The following FAM161A variants were observed in gnomAD, a reference collection of about 807,000 sequenced individuals.
FAM161A encodes the protein FAM161 centrosomal protein A, also known as protein FAM161A.
Under a neutral mutation model 70.9 loss-of-function variants are expected in FAM161A, and 57 were observed. That is an observed-to-expected ratio of 0.80 (90% CI 0.65 to 1.00). The LOEUF (loss-of-function observed/expected upper bound fraction) is 1.00, where lower values mean the gene tolerates loss of function less well. Among genes scored for constraint, FAM161A ranks in the 50% least tolerant of loss-of-function variants. The pLI is 0.00. For missense variants in FAM161A, 880 were observed against 836.0 expected, an observed-to-expected ratio of 1.05 and a Z score of -0.65; for synonymous variants, 299 against 295.7, an observed-to-expected ratio of 1.01 and a Z score of -0.12.
chr2:61,838,486 A>T lies in FAM161A; in HGVS notation c.1751+52T>A, dbSNP rs1672855311. The T allele has an allele frequency of 2.7e-6, 4 of 1,482,814 alleles. No homozygotes were observed. The Admixed American group carries it at 7.7e-5, about 29-fold the overall frequency. 91.9% of individuals were successfully genotyped at this position (1,482,814 alleles called of 1,614,324 possible). A position where few individuals can be genotyped will look rare whatever the true frequency, so the allele number is the denominator to read the frequency against. On this transcript the variant is annotated intron_variant, in intron 4 of 6. Coordinates refer to ENST00000404929, the MANE Select transcript of FAM161A (RefSeq NM_001201543.2). ...TATTTTACTATCTACTGATTAAAAA[A>T]AAAAGAGTTTGAAAACCAGTGGTCT...
chr2:61,843,377 T>C (rs746614609), intron 1 of FAM161A, among the ~76,000 whole-genome samples: 31 of 152,312 alleles, frequency 2.0e-4, no homozygotes, highest in Non-Finnish European at 4.1e-4. Context: ...TCTACTCGCC[T>C]CGGCCTCTCA....
At position 61,839,940 on chromosome 2, in the gene FAM161A, A is replaced by G; in HGVS notation, c.1064T>C (p.Phe355Ser). 1 of 1,614,144 alleles carries G rather than the reference A, an allele frequency of 6.2e-7. No individual in the cohort carries two copies. Among genetic ancestry groups the G allele is most frequent in the Non-Finnish European group, 8.5e-7 (1 of 1,180,014 alleles). The change falls in exon 3 of 7, where the codon TTT becomes TCT. Residue 355 changes from phenylalanine to serine, a missense_variant. Transcript: ENST00000404929. ...FLKYKKKTNR[F>S]KARPIPRSTY... ...AGATCGAGGAATGGGTCTGGCTTTAAATCGATTTGTTTTCTTTTTATACTT... is the reference window on the plus strand; with the variant it reads ...AGATCGAGGAATGGGTCTGGCTTTAGATCGATTTGTTTTCTTTTTATACTT...
chr2:61,851,326 A>AT lies in FAM161A; in HGVS notation c.183+2532dup, dbSNP rs556158226. On this transcript the variant is annotated intron_variant, in intron 1 of 6. Coordinates refer to ENST00000404929, the MANE Select transcript of FAM161A (RefSeq NM_001201543.2). ...GTTGCCCCATTAGGAGTGAGATTTT[A>AT]TTTTTTCTTTTTATTTATTTATTTT... 2.6e-4 allele frequency among the ~76,000 whole-genome samples: 40 copies of AT among 151,642 alleles called. No individual in the cohort carries two copies. In the South Asian group the frequency reaches 8.1e-3, roughly 31 times the overall value.
rs1393233061 is a variant in FAM161A at position 61,825,679 on chromosome 2, C to T, written c.*776G>A. On this transcript the variant is annotated 3_prime_UTR_variant, in exon 7 of 7. Coordinates refer to ENST00000404929, the MANE Select transcript of FAM161A (RefSeq NM_001201543.2). ...TGGAGACGGAGTCTCGCTCTGTTGC[C>T]CAAGCTGGAGTGCAGTGGCGCGATC... The T allele has an allele frequency of 3.3e-5, 14 of 425,050 alleles. No homozygotes were observed. Among genetic ancestry groups the T allele is most frequent in the African/African-American group, 2.9e-4 (14 of 47,668 alleles). The allele number at this position is 425,050 out of a possible 1,614,324, so 26.3% of individuals were successfully genotyped here.
the FAM161A span, among the ~76,000 whole-genome samples, chr2:61,810,695 G>A: frequency 6.6e-6 from 1 of 151,708 alleles, no homozygotes; most frequent in Non-Finnish European, 1.5e-5. Flanking sequence ...CCCGACCTCA[G>A]GTGATCCACC....
downstream of FAM161A, chr2:61,820,330 G>A (rs1257330915): frequency 1.3e-6 from 1 of 744,536 alleles, no homozygotes; most frequent in Non-Finnish European, 2.5e-6. Context: ...AGGCTGTGTG[G>A]TCATGAGAGA....
At position 61,839,634 on chromosome 2, in the gene FAM161A, A is replaced by G. The variant is rs373894298; in HGVS notation, c.1370T>C (p.Phe457Ser). 2.5e-6 allele frequency: 4 copies of G among 1,614,212 alleles called. No individual in the cohort carries two copies. The highest frequency in any genetic ancestry group is 1.7e-6 in the Non-Finnish European group (2 of 1,180,046). The change falls in exon 3 of 7, where the codon TTT (phenylalanine) becomes TCT (serine). Residue 457 changes from phenylalanine to serine, a missense_variant. By Grantham distance (155) the Phe-to-Ser change is radical (BLOSUM62 -2). Coordinates refer to ENST00000404929, the MANE Select transcript of FAM161A (RefSeq NM_001201543.2). Reference protein sequence around the residue: ...SPKLLTVCKPFDLHASPHASI... With the variant: ...SPKLLTVCKPSDLHASPHASI... Reference sequence around the variant, plus strand: ...TGCATGTGGAGATGCATGAAGATCAAATGGTTTACACACTGTTAAGAGTTT... The same window carrying G: ...TGCATGTGGAGATGCATGAAGATCAGATGGTTTACACACTGTTAAGAGTTT...
At position 61,839,551 on chromosome 2, in the gene FAM161A, C is replaced by T. The variant is rs755420596; in HGVS notation, c.1453G>A (p.Glu485Lys). The change falls in exon 3 of 7, where the codon GAA (glutamate) becomes AAA (lysine). Residue 485 changes from glutamate to lysine, a missense_variant. Transcript: ENST00000404929. ...DIEADEENLK[E>K]TRWPYLSPRR... ...GGAGACAAATAAGGCCAACGTGTTTCTTTTAAATTTTCTTCATCTGCTTCG... is the reference window on the plus strand; with the variant it reads ...GGAGACAAATAAGGCCAACGTGTTTTTTTTAAATTTTCTTCATCTGCTTCG... 3.7e-6 allele frequency: 6 copies of T among 1,614,058 alleles called. No homozygotes were observed. In the South Asian group the frequency reaches 5.5e-5, roughly 15 times the overall value.
downstream of FAM161A, among the ~76,000 whole-genome samples, chr2:61,823,260 G>A (rs1672244633): frequency 6.6e-6 from 1 of 150,766 alleles, no homozygotes; most frequent in Non-Finnish European, 1.5e-5. Flanking sequence ...TTGAACCTGG[G>A]TGGCAGGGGT....
At position 61,838,596 on chromosome 2, in the gene FAM161A, C is replaced by G. The variant is rs1322104364; in HGVS notation, c.1693G>C (p.Ala565Pro). 1 of 1,612,254 alleles carries G rather than the reference C, an allele frequency of 6.2e-7. No individual in the cohort carries two copies. The highest frequency in any genetic ancestry group is 1.1e-5 in the South Asian group (1 of 91,026). Residue 565 changes from alanine to proline, a missense_variant, in exon 4 of 7, where the codon GCT (alanine) becomes CCT (proline). Coordinates refer to ENST00000404929, the MANE Select transcript of FAM161A (RefSeq NM_001201543.2). ...GCTAAACTTTGATGTGAGTCATAAG[C>G]CTTAGCCCGGGTTGTCAGGAGTTTC... ...LQKLLTTRAK[A>P]YDSHQSLAQI...
intron 6 of FAM161A, 106 bp downstream of exon 6, chr2:61,826,998 T>C: frequency 9.0e-7 from 1 of 1,116,844 alleles, no homozygotes; most frequent in East Asian, 2.6e-5. Context: ...TAAAAGATCT[T>C]TTTAAAACAA....
chr2:61,810,089 A>T, the FAM161A span, among the ~76,000 whole-genome samples: 2 of 152,170 alleles, frequency 1.3e-5, no homozygotes, highest in East Asian at 3.8e-4. Context: ...GTCCAGCCCA[A>T]ATTGTTGACC....
chr2:61,807,634 T>A, the FAM161A span, among the ~76,000 whole-genome samples: 1 of 70,604 alleles, frequency 1.4e-5, no homozygotes, highest in Non-Finnish European at 2.8e-5. Context: ...GGACTCCAGA[T>A]TTTTTTTTTT....
At chr2:61,815,464 G>A in the FAM161A span, among the ~76,000 whole-genome samples, 1 of 145,442 alleles carries the variant, frequency 6.9e-6, no homozygotes, top group East Asian at 2.2e-4. Flanking sequence ...AGGGTCAGAA[G>A]CCTCTCCAAC....
the FAM161A span, among the ~76,000 whole-genome samples, chr2:61,804,774 G>GAAAGAAAGAAAGAAAC: frequency 8.1e-6 from 1 of 123,524 alleles, no homozygotes; most frequent in Non-Finnish European, 1.7e-5. Context: ...GAAAGAGAAA[G>GAAAGAAAGAAAGAAAC]AAAGAAAGAA....
chr2:61,815,582 G>T, the FAM161A span, among the ~76,000 whole-genome samples: 4 of 108,524 alleles, frequency 3.7e-5, no homozygotes, highest in Non-Finnish European at 6.8e-5. Context: ...ATGGAGTCTC[G>T]TTCTGTCACC....
chr2:61,814,955 T>A, the FAM161A span, among the ~76,000 whole-genome samples: 182 of 152,278 alleles, frequency 1.2e-3, 2 homozygotes, highest in African/African-American at 4.0e-3. Flanking sequence ...ATGCCGGAAT[T>A]TCTCGTGATT....
rs556279990 is a variant in FAM161A, at chr2:61,846,995, C to A, written c.184-4635G>T. On this transcript the variant is annotated intron_variant, in intron 1 of 6. Coordinates refer to ENST00000404929, the MANE Select transcript of FAM161A (RefSeq NM_001201543.2). The stretch of plus-strand genomic sequence containing the variant: ...TCTGGCCAACATGGTGAAACCCCAT[C>A]TCTACTAAAAACAAAACTTAGTCGG... 9.3e-4 allele frequency: 288 copies of A among 310,554 alleles called. 1 individual carries two copies. In the Admixed American group the frequency reaches 9.9e-3, roughly 11 times the overall value. The allele number at this position is 310,554 out of a possible 1,614,324, so 19.2% of individuals were successfully genotyped here.
chr2:61,851,422 C>T (rs766282194), intron 1 of FAM161A, among the ~76,000 whole-genome samples: 2 of 152,040 alleles, frequency 1.3e-5, no homozygotes, highest in Admixed American at 6.5e-5. Flanking sequence ...CTGCAACCTC[C>T]GCCTCCCGGG....
Sources: allele counts gnomAD v4.1 joint callset (sites outside exome capture counted in the v4.1 genomes callset), GRCh38; gene constraint gnomAD v4.1.1; transcripts MANE v1.5; gene names NCBI Gene and HGNC (gene_info 2026-07-23, HGNC 2026-07-21).